The following SYNJ1 variants were observed in gnomAD, a reference collection of about 807,000 sequenced individuals.
The protein encoded by SYNJ1 is synaptojanin 1.
A neutral mutation model predicts 168.2 loss-of-function variants in SYNJ1; 78 were observed. The ratio of observed to expected loss-of-function variants is 0.46; its 90% CI spans 0.39 to 0.56. The LOEUF (loss-of-function observed/expected upper bound fraction) is 0.56, where lower values mean the gene tolerates loss of function less well. SYNJ1 is among the 20% of genes least tolerant of loss of function. The pLI is 0.00. For synonymous variants in SYNJ1, 539 were observed against 548.6 expected, an observed-to-expected ratio of 0.98 and a Z score of 0.24; for missense variants, 1,303 against 1,597.6, an observed-to-expected ratio of 0.82 and a Z score of 3.14.
Position 32,726,850 on chromosome 21 carries a change from G to A in SYNJ1, c.46C>T (p.Pro16Ser), listed in dbSNP as rs1487423508. 5.0e-6 allele frequency: 8 copies of A among 1,614,122 alleles called. No homozygotes were observed. Among genetic ancestry groups the A allele is most frequent in the Non-Finnish European group, 6.8e-6 (8 of 1,180,020 alleles). ...GFRIYHKLDP[P>S]PFSLIVETRH... The stretch of plus-strand genomic sequence containing the variant: ...GTTTCCACTATGAGGCTGAAAGGTG[G>A]GGGATCCAATTTGTGATAGATCCGG... Residue 16 changes from proline (P) to serine (S), a missense_variant, in exon 2 of 33, where the codon CCA (proline) becomes TCA (serine). Pro to Ser is a moderately conservative substitution (Grantham distance 74, BLOSUM62 -1). Transcript: ENST00000674351.
At chr21:32,684,792 C>T (rs2041759717) in intron 9 of SYNJ1, among the ~76,000 whole-genome samples, 1 of 152,124 alleles carries the variant, frequency 6.6e-6, no homozygotes, top group South Asian at 2.1e-4. Flanking sequence ...CAGACGAATC[C>T]CAGTTCTAAC....
chr21:32,667,693 G>A (rs79586634), intron 15 of SYNJ1, among the ~76,000 whole-genome samples: 1,900 of 152,046 alleles, frequency 0.012, 46 homozygotes, highest in African/African-American at 0.043. Context: ...CCTCAGCCCC[G>A]CAAGTAGCTG....
At position 32,631,493 on chromosome 21, in the gene SYNJ1, G is replaced by T. The variant is rs149199429; in HGVS notation, c.*312C>A. On this transcript the variant is annotated 3_prime_UTR_variant, in exon 33 of 33. Transcript: ENST00000674351. The stretch of plus-strand genomic sequence containing the variant: ...ATGGGTTTCCAGGAGCAGCAGTCCT[G>T]TCACTGAAAGGATTTGTCCTGGTCA... The T allele has an allele frequency of 1.9e-6, 3 of 1,614,082 alleles. No homozygotes were observed. The highest frequency in any genetic ancestry group is 2.5e-6 in the Non-Finnish European group (3 of 1,179,998).
upstream of SYNJ1, chr21:32,728,048 C>T (rs2122963831): frequency 6.5e-7 from 1 of 1,528,128 alleles, no homozygotes; most frequent in South Asian, 1.2e-5. Context: ...CATTGCGCCG[C>T]GGCCGGGGGC....
chr21:32,646,724 C>T (rs2040088783), intron 23 of SYNJ1, 122 bp from the exon 24 acceptor site: 1 of 698,856 alleles, frequency 1.4e-6, no homozygotes, highest in Non-Finnish European at 2.5e-6. Context: ...TCATTGCAAA[C>T]ACACATGGAT....
chr21:32,656,509 A>G (rs2040461500), intron 21 of SYNJ1, among the ~76,000 whole-genome samples, 178 bp downstream of exon 21: 1 of 152,184 alleles, frequency 6.6e-6, no homozygotes, highest in African/African-American at 2.4e-5. Context: ...AAACCTACAG[A>G]ATAATATCCA....
At chr21:32,652,808 A>T (rs2040320611) in intron 22 of SYNJ1, among the ~76,000 whole-genome samples, 1 of 152,212 alleles carries the variant, frequency 6.6e-6, no homozygotes, top group Non-Finnish European at 1.5e-5. Context: ...AAATACTTCA[A>T]TGGGATGGAT....
chr21:32,633,364 A>T (rs2039426602), intron 32 of SYNJ1, among the ~76,000 whole-genome samples: 1 of 152,210 alleles, frequency 6.6e-6, no homozygotes, highest in Non-Finnish European at 1.5e-5. Flanking sequence ...CTGAGCAAAG[A>T]CAAATGATCG....
At chr21:32,720,712 T>C (rs2043189708) in intron 2 of SYNJ1, among the ~76,000 whole-genome samples, 1 of 152,212 alleles carries the variant, frequency 6.6e-6, no homozygotes, top group Non-Finnish European at 1.5e-5. Flanking sequence ...GCATGTAATA[T>C]GGAAAAGAGC....
At chr21:32,726,610 T>C (rs1258614636) in intron 2 of SYNJ1, among the ~76,000 whole-genome samples, 162 bp downstream of exon 2, 3 of 152,100 alleles carry the variant, frequency 2.0e-5, no homozygotes, top group African/African-American at 7.2e-5. Context: ...TAACAAAAAG[T>C]TTGCAGGAAA....
intron 2 of SYNJ1, among the ~76,000 whole-genome samples, chr21:32,713,682 A>G (rs371227481): frequency 1.3e-5 from 2 of 150,506 alleles, no homozygotes; most frequent in East Asian, 3.9e-4. Flanking sequence ...GATTTCCCAT[A>G]TATCAACATG....
In SYNJ1 at chr21:32,631,588, G is replaced by C; in HGVS notation, c.*217C>G. On this transcript the variant is annotated 3_prime_UTR_variant, in exon 33 of 33. Coordinates refer to ENST00000674351, the MANE Select transcript of SYNJ1 (RefSeq NM_203446.3). Reference sequence around the variant, plus strand: ...GATTGACTCCGAGCTGGAATTGGAGGCATTGTTGGCATGCAACTTACAGAA... The same window carrying C: ...GATTGACTCCGAGCTGGAATTGGAGCCATTGTTGGCATGCAACTTACAGAA... 1 of 1,612,124 alleles carries C rather than the reference G, an allele frequency of 6.2e-7. No homozygotes were observed. The highest frequency in any genetic ancestry group is 8.5e-7 in the Non-Finnish European group (1 of 1,179,812).
upstream of SYNJ1, chr21:32,728,067 C>A (rs2043561166): frequency 6.6e-7 from 1 of 1,523,004 alleles, no homozygotes; most frequent in Non-Finnish European, 8.8e-7. Context: ...GCGGAAGATC[C>A]GCCCCGCGCG....
chr21:32,672,729 C>T (rs1251256889), intron 14 of SYNJ1, among the ~76,000 whole-genome samples: 1 of 152,132 alleles, frequency 6.6e-6, no homozygotes, highest in Non-Finnish European at 1.5e-5. Context: ...TGAATGCCAA[C>T]AAAGTTTTTC....
At chr21:32,670,991 A>G (rs1474154178) in intron 14 of SYNJ1, 1 of 173,862 alleles carries the variant, frequency 5.8e-6, no homozygotes, top group African/African-American at 2.4e-5. Flanking sequence ...CCAAGTTTCT[A>G]GAAATGAGGA....
intron 8 of SYNJ1, among the ~76,000 whole-genome samples, chr21:32,686,149 C>G (rs1289663536): frequency 6.6e-6 from 1 of 152,112 alleles, no homozygotes; most frequent in East Asian, 1.9e-4. Flanking sequence ...TTTTACAACA[C>G]AAACTTACTA....
intron 29 of SYNJ1, among the ~76,000 whole-genome samples, chr21:32,640,378 C>G (rs949897978): frequency 6.6e-6 from 1 of 151,840 alleles, no homozygotes; most frequent in Non-Finnish European, 1.5e-5. Flanking sequence ...CTCACTGCAA[C>G]CTCTGCCTCC....
chr21:32,670,154 T>C (rs556294651), intron 15 of SYNJ1, 134 bp downstream of exon 15: 4 of 624,798 alleles, frequency 6.4e-6, no homozygotes, highest in South Asian at 2.7e-5. Flanking sequence ...GTATGAGAAA[T>C]GCTCTTTTAC....
intron 24 of SYNJ1, 58 bp downstream of exon 24, chr21:32,646,335 C>A: frequency 6.5e-7 from 1 of 1,541,182 alleles, no homozygotes; most frequent in South Asian, 1.2e-5. Flanking sequence ...GATGACTCTC[C>A]AACATCAAGC....
Sources: allele counts gnomAD v4.1 joint callset (sites outside exome capture counted in the v4.1 genomes callset), GRCh38; gene constraint gnomAD v4.1.1; transcripts MANE v1.5; gene names NCBI Gene and HGNC (gene_info 2026-07-23, HGNC 2026-07-21).